Variants in PDZD2 observed in about 807,000 individuals in gnomAD.
The protein encoded by PDZD2 is PDZ domain containing 2.
A neutral mutation model predicts 220.7 loss-of-function variants in PDZD2; 90 were observed. That is an observed-to-expected ratio of 0.41 (90% CI 0.34 to 0.49). The LOEUF (loss-of-function observed/expected upper bound fraction) is 0.49, where lower values mean the gene tolerates loss of function less well. Ranked by LOEUF, PDZD2 falls within the 20% of genes least tolerant of loss-of-function variation. PDZD2 has a pLI of 0.28. For missense variants in PDZD2, 3,174 were observed against 3,608.5 expected (o/e 0.88, Z 3.08); for synonymous variants, 1,375 against 1,450.5 (o/e 0.95, Z 1.18).
chr5:32,072,583 T>C (rs547926149), intron 17 of PDZD2, among the ~76,000 whole-genome samples: 174 of 152,140 alleles, frequency 1.1e-3, no homozygotes, highest in African/African-American at 4.0e-3. Flanking sequence ...ATACAAAAAT[T>C]AGCCAGGCGT....
rs79458705 is a variant in PDZD2, at chr5:31,737,581, C to T, written c.-360-61308C>T. Among the ~76,000 whole-genome samples, 574 of 152,262 alleles carry T rather than the reference C, an allele frequency of 3.8e-3. 2 individuals carry two copies. Among genetic ancestry groups the T allele is most frequent in the Non-Finnish European group, 6.5e-3 (443 of 68,016 alleles). ...AGATGCTAAATGGGGACCAGAATGG[C>T]CATAGGTCATTCAATAACTTCACTT... On this transcript the variant is annotated intron_variant, in intron 1 of 24. Coordinates refer to ENST00000438447, the MANE Select transcript of PDZD2 (RefSeq NM_178140.4).
chr5:31,778,158 A>G (rs755084102), intron 1 of PDZD2, among the ~76,000 whole-genome samples: 9 of 152,108 alleles, frequency 5.9e-5, no homozygotes, highest in African/African-American at 4.8e-5. Context: ...AAATACACCA[A>G]TCAGCACTCT....
chr5:31,908,255 T>G (rs1742856179), intron 2 of PDZD2: 3 of 197,054 alleles, frequency 1.5e-5, no homozygotes. Flanking sequence ...TGTTTGAAAT[T>G]TAAGCAAGGC....
At chr5:31,898,807 T>C (rs1446428425) in intron 2 of PDZD2, among the ~76,000 whole-genome samples, 1 of 90,344 alleles carries the variant, frequency 1.1e-5, no homozygotes, top group Non-Finnish European at 2.6e-5. Context: ...GAGCCTCTCT[T>C]CTTTTTTTTT....
At chr5:31,798,761 T>G in intron 1 of PDZD2, 128 bp from the exon 2 acceptor site, 1 of 159,212 alleles carries the variant, frequency 6.3e-6, no homozygotes, top group Non-Finnish European at 1.4e-5. Flanking sequence ...AAGCGTTAGG[T>G]TCTGGGTTTG....
chr5:32,019,816 C>A (rs1754055448), intron 6 of PDZD2, among the ~76,000 whole-genome samples: 1 of 152,048 alleles, frequency 6.6e-6, no homozygotes, highest in Admixed American at 6.6e-5. Context: ...AAGTTAATTT[C>A]TTTTATGAAC....
intron 2 of PDZD2, among the ~76,000 whole-genome samples, chr5:31,861,325 C>T (rs1453165540): frequency 6.6e-6 from 1 of 152,094 alleles, no homozygotes; most frequent in Non-Finnish European, 1.5e-5. Context: ...TCATTTGCTG[C>T]CAAAGTGATA....
intron 1 of PDZD2, among the ~76,000 whole-genome samples, chr5:31,653,047 G>A (rs1008487256): frequency 1.1e-4 from 16 of 151,980 alleles, no homozygotes; most frequent in Non-Finnish European, 2.1e-4. Flanking sequence ...AAAAAACACG[G>A]TGAGCCTCCT....
chr5:32,085,973 T>C (rs773341041), intron 19 of PDZD2, among the ~76,000 whole-genome samples: 9 of 152,116 alleles, frequency 5.9e-5, no homozygotes, highest in Non-Finnish European at 1.0e-4. Context: ...ATTGTCTTCC[T>C]TACCTTCCTC....
chr5:32,058,567 G>A (rs911035505), intron 12 of PDZD2, among the ~76,000 whole-genome samples: 27 of 151,356 alleles, frequency 1.8e-4, no homozygotes, highest in Admixed American at 6.6e-5. Flanking sequence ...CCAGCTACTC[G>A]GGAGGCTGAG....
In PDZD2 at chr5:32,000,104, G is replaced by A; in HGVS notation, c.1122-35G>A. 1.2e-6 allele frequency: 2 copies of A among 1,610,490 alleles called. No homozygotes were observed. The highest frequency in any genetic ancestry group is 1.1e-5 in the South Asian group (1 of 90,628). ...GCCCTTCTCAGGCCCAGAATGTCTT[G>A]ACAAGGGATCTTTTTCCCATCTCCC... is the stretch of plus-strand genomic sequence containing the variant. On this transcript the variant is annotated intron_variant, in intron 4 of 24. Coordinates refer to ENST00000438447, the MANE Select transcript of PDZD2 (RefSeq NM_178140.4). The surrounding 1 kb of genome is among the most constrained non-coding windows in gnomAD (Gnocchi z 4.5).
chr5:32,055,781 C>T (rs375543482), intron 10 of PDZD2, among the ~76,000 whole-genome samples: 13 of 152,236 alleles, frequency 8.5e-5, no homozygotes, highest in East Asian at 7.7e-4. Flanking sequence ...CATTCTCCCA[C>T]GGCAGAATAT....
In PDZD2 at chr5:32,077,073, G is replaced by A. The variant is rs79980885; in HGVS notation, c.3538-389G>A. 3.4e-3 allele frequency among the ~76,000 whole-genome samples: 524 copies of A among 152,276 alleles called. 1 individual carries two copies. Among genetic ancestry groups the A allele is most frequent in the Middle Eastern group, 0.01 (3 of 294 alleles). On this transcript the variant is annotated intron_variant, in intron 18 of 24. Transcript: ENST00000438447. ...ATGTCAATTTTGTTTATCCAGATTCGTTCATTCCCTCACTACCAAACTAAG... is the reference window on the plus strand; with the variant it reads ...ATGTCAATTTTGTTTATCCAGATTCATTCATTCCCTCACTACCAAACTAAG...
intron 2 of PDZD2, among the ~76,000 whole-genome samples, chr5:31,869,171 T>C (rs1738510236): frequency 6.6e-6 from 1 of 152,228 alleles, no homozygotes; most frequent in South Asian, 2.1e-4. Context: ...GCTTTGTCTG[T>C]ATCTTCCTTC....
intron 19 of PDZD2, among the ~76,000 whole-genome samples, chr5:32,086,889 A>G (rs1269398800): frequency 2.4e-5 from 3 of 123,410 alleles, no homozygotes; most frequent in Non-Finnish European, 3.2e-5. Flanking sequence ...GGGTTTCACC[A>G]TGTTGGCCAG....
At chr5:31,894,122 A>G (rs1031191092) in intron 2 of PDZD2, among the ~76,000 whole-genome samples, 1 of 127,064 alleles carries the variant, frequency 7.9e-6, no homozygotes, top group African/African-American at 3.1e-5. Context: ...CATGTTGGCT[A>G]GGCTGGTCTT....
chr5:31,718,259 A>T (rs1193572986), intron 1 of PDZD2, among the ~76,000 whole-genome samples: 1 of 152,068 alleles, frequency 6.6e-6, no homozygotes, highest in Non-Finnish European at 1.5e-5. Flanking sequence ...CTGTAATTTG[A>T]TCTTCCATCT....
intron 2 of PDZD2, among the ~76,000 whole-genome samples, chr5:31,923,734 AAAAAAT>A (rs1431972490): frequency 3.3e-5 from 5 of 152,200 alleles, no homozygotes; most frequent in Non-Finnish European, 7.3e-5. Flanking sequence ...AACAATGTTA[AAAAAAT>A]AAAAATAAAA....
chr5:32,048,427 G>C (rs533826731), intron 7 of PDZD2, 112 bp from the exon 8 acceptor site: 4 of 831,624 alleles, frequency 4.8e-6, no homozygotes, highest in African/African-American at 3.4e-5. Context: ...TGGACGCTAG[G>C]CTTCTCAAAA....
Sources: allele counts gnomAD v4.1 joint callset (sites outside exome capture counted in the v4.1 genomes callset), GRCh38; gene constraint gnomAD v4.1.1; non-coding constraint Gnocchi (gnomAD v3.1); transcripts MANE v1.5; gene names NCBI Gene and HGNC (gene_info 2026-07-23, HGNC 2026-07-21).